Variants in CA5B observed in about 807,000 individuals in gnomAD.
CA5B encodes carbonic anhydrase 5B.
CA5B carries 15 observed loss-of-function variants against 23.1 expected under a neutral mutation model. The observed-to-expected ratio is 0.65, with a 90% confidence interval of 0.43 to 1.00. The LOEUF (loss-of-function observed/expected upper bound fraction) is 1.00, where lower values mean the gene tolerates loss of function less well. Among genes scored for constraint, CA5B ranks in the 50% least tolerant of loss-of-function variants. The pLI, the probability that CA5B is intolerant of heterozygous loss-of-function variation, is 0.00. For synonymous variants in CA5B, 84 were observed against 98.5 expected, an observed-to-expected ratio of 0.85 and a Z score of 0.87; for missense variants, 236 against 252.2, an observed-to-expected ratio of 0.94 and a Z score of 0.43.
intron 1 of CA5B, among the ~76,000 whole-genome samples, chrX:15,742,332 C>G (rs1171557203): frequency 9.1e-6 from 1 of 110,414 alleles, no homozygotes; most frequent in Non-Finnish European, 1.9e-5. Flanking sequence ...CTCCCCAAGG[C>G]AATTTTCAAC....
chrX:15,754,434 A>G (rs954329874), intron 2 of CA5B, among the ~76,000 whole-genome samples: 12 of 112,632 alleles, frequency 1.1e-4, no homozygotes, highest in African/African-American at 3.9e-4. Context: ...TTCGGAAAGC[A>G]GCATTTCAGG....
chrX:15,774,117 G>A (rs1931873523), intron 4 of CA5B, among the ~76,000 whole-genome samples, 185 bp from the exon 5 acceptor site: 1 of 110,789 alleles, frequency 9.0e-6, no homozygotes, highest in Non-Finnish European at 1.9e-5. Context: ...ATTAATTGCT[G>A]CTCTTGCCTA....
Position 15,786,614 on chromosome X carries a change from A to G in CA5B, c.*3950A>G, listed in dbSNP as rs769944208. 6 of 106,798 alleles carry G rather than the reference A, an allele frequency of 5.6e-5. No homozygotes were observed. Among genetic ancestry groups the G allele is most frequent in the East Asian group, 3.0e-4 (1 of 3,373 alleles). 8.8% of individuals were successfully genotyped at this position (106,798 alleles called of 1,213,427 possible). A position where few individuals can be genotyped will look rare whatever the true frequency, so the allele number is the denominator to read the frequency against. On this transcript the variant is annotated 3_prime_UTR_variant, in exon 8 of 8. Coordinates refer to ENST00000318636, the MANE Select transcript of CA5B (RefSeq NM_007220.4). ...CATTAAATAATACTAGATCGATACA[A>G]TGCTTTCTTTACAGTATTAGTGGTT...
chrX:15,782,076 T>C (rs1932034174), intron 7 of CA5B, among the ~76,000 whole-genome samples: 1 of 112,654 alleles, frequency 8.9e-6, no homozygotes, highest in Middle Eastern at 4.2e-3. Flanking sequence ...CTTTTTTTGG[T>C]GTTGTTAGTA....
intron 1 of CA5B, among the ~76,000 whole-genome samples, chrX:15,741,844 A>T (rs757397455): frequency 9.0e-6 from 1 of 111,701 alleles, no homozygotes; most frequent in South Asian, 3.7e-4. Context: ...CAGCCATTAA[A>T]TGAGATCTTC....
In CA5B at chrX:15,750,088, A is replaced by G; in HGVS notation, c.65A>G (p.Lys22Arg). 1 of 1,211,533 alleles carries G rather than the reference A, an allele frequency of 8.3e-7. No homozygotes were observed. The highest frequency in any genetic ancestry group is 1.1e-6 in the Non-Finnish European group (1 of 895,186). The change falls in exon 2 of 8, where the codon AAG becomes AGG. Residue 22 changes from lysine (K) to arginine (R), a missense_variant. Transcript: ENST00000318636. Reference sequence around the variant, plus strand: ...TCTCCAGGCAAATTGCTGTGGAGAAAGTTCCAGATTCCGAGATTCATGCCA... The same window carrying G: ...TCTCCAGGCAAATTGCTGTGGAGAAGGTTCCAGATTCCGAGATTCATGCCA... ...QASPGKLLWR[K>R]FQIPRFMPAR...
chrX:15,757,527 G>GCAA (rs747573191), intron 2 of CA5B, among the ~76,000 whole-genome samples: 3 of 108,235 alleles, frequency 2.8e-5, no homozygotes, highest in South Asian at 8.1e-4. Context: ...AAACAAACAA[G>GCAA]CAACAACAAC....
chrX:15,738,517 G>T (rs1012663649), intron 1 of CA5B, among the ~76,000 whole-genome samples, 165 bp downstream of exon 1: 1 of 111,103 alleles, frequency 9.0e-6, no homozygotes. Flanking sequence ...GCGCCCGGGA[G>T]TACTGAGTGG....
At chrX:15,759,418 G>A (rs189620908) in intron 2 of CA5B, among the ~76,000 whole-genome samples, 36 of 111,687 alleles carry the variant, frequency 3.2e-4, no homozygotes, top group East Asian at 2.8e-3. Context: ...GAGCTCCCTC[G>A]TACCTTGTAC....
chrX:15,779,019 A>G (rs1931977089), intron 7 of CA5B, among the ~76,000 whole-genome samples: 2 of 111,585 alleles, frequency 1.8e-5, no homozygotes, highest in African/African-American at 6.5e-5. Context: ...CTATAACCCT[A>G]TAAAGATAAA....
intron 6 of CA5B, chrX:15,775,858 C>T: frequency 2.7e-6 from 2 of 749,834 alleles, no homozygotes; most frequent in African/African-American, 4.6e-5. Context: ...CCTCTCCTTT[C>T]CTCTCTGGAA....
chrX:15,752,719 T>C (rs752545112), intron 2 of CA5B, among the ~76,000 whole-genome samples: 1,512 of 88,272 alleles, frequency 0.017, 12 homozygotes, highest in Admixed American at 0.047. Flanking sequence ...AGCGAGACTC[T>C]GTCTCAAAAA....
chrX:15,786,233 A>T lies in CA5B; in HGVS notation c.*3569A>T, dbSNP rs1932115031. On this transcript the variant is annotated 3_prime_UTR_variant, in exon 8 of 8. Transcript: ENST00000318636. ...AGTGAGTTTTCCAAACTGAAGGGAG[A>T]AGCAATGTACAGAATGCCTGACTTG... is the stretch of plus-strand genomic sequence containing the variant. The T allele has an allele frequency of 9.6e-6, 1 of 103,821 alleles. No individual in the cohort carries two copies. The highest frequency in any genetic ancestry group is 1.0e-4 in the Admixed American group (1 of 9,728). The allele number at this position is 103,821 out of a possible 1,213,427, so 8.6% of individuals were successfully genotyped here.
At position 15,764,775 on chromosome X, in the gene CA5B, G is replaced by A. The variant is rs1931673610; in HGVS notation, c.340G>A (p.Val114Met). ...VEFEDSTDKS[V>M]IKGGPLEHNY... ...ATTTGAAGATTCTACAGATAAATCA[G>A]GTGAGGGCAAGATCTGGTGGTCTTG... The change falls in exon 3 of 8, where the codon GTG becomes ATG. Residue 114 changes from valine (V) to methionine (M), a missense_variant and splice_region_variant. Physicochemically the swap from Val to Met is conservative, Grantham distance 21. Around this residue, in one of 3 missense-constraint regions of CA5B, gnomAD observed 170 missense variants for 162.0 expected, o/e 1.05. Transcript: ENST00000318636. 1 of 1,093,572 alleles carries A rather than the reference G, an allele frequency of 9.1e-7. No homozygotes were observed. Among genetic ancestry groups the A allele is most frequent in the African/African-American group, 1.9e-5 (1 of 53,612 alleles). 90.1% of individuals were successfully genotyped at this position (1,093,572 alleles called of 1,213,427 possible).
At chrX:15,771,876 G>A (rs1169899218) in intron 3 of CA5B, among the ~76,000 whole-genome samples, 1 of 102,269 alleles carries the variant, frequency 9.8e-6, no homozygotes, top group Non-Finnish European at 2.0e-5. Flanking sequence ...TTTTTTTTTT[G>A]TAGCGAGAAA....
chrX:15,742,301 T>C (rs770921170), intron 1 of CA5B, among the ~76,000 whole-genome samples: 1 of 112,988 alleles, frequency 8.9e-6, no homozygotes, highest in Non-Finnish European at 1.9e-5. Context: ...CCTGCTTCTT[T>C]CCTGTTCCTC....
chrX:15,762,467 AGT>A (rs1179923050), intron 2 of CA5B, among the ~76,000 whole-genome samples: 3 of 106,901 alleles, frequency 2.8e-5, no homozygotes, highest in African/African-American at 1.0e-4. Flanking sequence ...TTTGAGACAG[AGT>A]CTTACTCTGT....
intron 1 of CA5B, among the ~76,000 whole-genome samples, chrX:15,741,689 G>A (rs1055993226): frequency 9.1e-6 from 1 of 109,716 alleles, no homozygotes; most frequent in Admixed American, 9.8e-5. Flanking sequence ...TCTTGGCCAG[G>A]CTGGTCTGGA....
chrX:15,753,499 G>C (rs1458159545), intron 2 of CA5B, among the ~76,000 whole-genome samples: 1 of 112,331 alleles, frequency 8.9e-6, no homozygotes, highest in African/African-American at 3.2e-5. Context: ...AAAGGTGTCA[G>C]ATCTCTCCTG....
Sources: allele counts gnomAD v4.1 joint callset (sites outside exome capture counted in the v4.1 genomes callset), GRCh38; gene constraint gnomAD v4.1.1; regional missense constraint gnomAD v4.1.1; transcripts MANE v1.5; gene names NCBI Gene and HGNC (gene_info 2026-07-23, HGNC 2026-07-21).